RALGAPA2: variants seen among roughly 807,000 people sequenced by gnomAD.
The protein encoded by RALGAPA2 is ral GTPase-activating protein subunit alpha-2.
Under a neutral mutation model 230.4 loss-of-function variants are expected in RALGAPA2, and 139 were observed. That is an observed-to-expected ratio of 0.60 (90% confidence interval 0.53 to 0.69). The LOEUF is 0.69. RALGAPA2 is among the 30% of genes least tolerant of loss of function. The pLI is 0.00. For missense variants in RALGAPA2, 2,163 were observed against 2,276.0 expected (o/e 0.95, Z 1.01); for synonymous variants, 847 against 837.8 (o/e 1.01, Z -0.19).
chr20:20,491,586 T>C (rs1300941868), intron 36 of RALGAPA2, among the ~76,000 whole-genome samples: 1 of 152,308 alleles, frequency 6.6e-6, no homozygotes, highest in Non-Finnish European at 1.5e-5. Flanking sequence ...GTGTGGAAGT[T>C]CTATGAATCA....
At chr20:20,571,347 C>A (rs1325488339) in intron 23 of RALGAPA2, 111 bp downstream of exon 23, 1 of 1,213,892 alleles carries the variant, frequency 8.2e-7, no homozygotes, top group Admixed American at 2.8e-5. Context: ...GTTGAAACTA[C>A]TGAGAAATTC....
At chr20:20,497,853 G>A (rs1389024904) in intron 35 of RALGAPA2, among the ~76,000 whole-genome samples, 3 of 152,200 alleles carry the variant, frequency 2.0e-5, no homozygotes, top group African/African-American at 7.2e-5. Context: ...TCTTCTCATA[G>A]CTGCTTTCAG....
intron 36 of RALGAPA2, among the ~76,000 whole-genome samples, chr20:20,478,488 G>A (rs1377470218): frequency 6.6e-6 from 1 of 151,458 alleles, no homozygotes; most frequent in Non-Finnish European, 1.5e-5. Flanking sequence ...AGTTCTTTAA[G>A]GAACCATAAA....
At chr20:20,521,180 T>C in intron 30 of RALGAPA2, 80 bp from the exon 31 acceptor site, 3 of 1,264,678 alleles carry the variant, frequency 2.4e-6, no homozygotes, top group Middle Eastern at 2.9e-4. Flanking sequence ...ACTGCAGCAC[T>C]TGGCAGCTAG....
chr20:20,622,481 C>T (rs1231151887), intron 10 of RALGAPA2, among the ~76,000 whole-genome samples: 2 of 152,128 alleles, frequency 1.3e-5, no homozygotes, highest in South Asian at 4.1e-4. Context: ...GATGTATTTC[C>T]TCCAAAGGAG....
rs2064270273 is a variant in RALGAPA2, at chr20:20,562,018, G to A, written c.3156+9440C>T. Among the ~76,000 whole-genome samples, 4 of 152,072 alleles carry A rather than the reference G, an allele frequency of 2.6e-5. No individual in the cohort carries two copies. The South Asian group carries it at 6.2e-4, about 24-fold the overall frequency. ...TGCCCCTCAAGAATCACTGTTCTAG[G>A]GTAATGAAAGTTGACTAGCTCACCA... On this transcript the variant is annotated intron_variant, in intron 23 of 39. Coordinates refer to ENST00000202677, the MANE Select transcript of RALGAPA2 (RefSeq NM_020343.4).
chr20:20,645,106 CTTTTTTTTTTTTTT>C lies in RALGAPA2; in HGVS notation c.329-1571_329-1558del, dbSNP rs71198064. Among the ~76,000 whole-genome samples, 5 of 59,482 alleles carry C rather than the reference CTTTTTTTTTTTTTT, an allele frequency of 8.4e-5. No individual in the cohort carries two copies. In the South Asian group the frequency reaches 3.6e-3, roughly 43 times the overall value. The allele number at this position is 59,482 out of a possible 152,430, so 39.0% of individuals were successfully genotyped here. A position where few individuals can be genotyped will look rare whatever the true frequency, so the allele number is the denominator to read the frequency against. On this transcript the variant is annotated intron_variant, in intron 4 of 39. Coordinates refer to ENST00000202677, the MANE Select transcript of RALGAPA2 (RefSeq NM_020343.4). The stretch of plus-strand genomic sequence containing the variant: ...TGGCTTGTTTTTGGTGGTGGTGGTG[CTTTTTTTTTTTTTT>C]TTTTTTTTTTTTGAGACAGAGTCTT...
In RALGAPA2 at chr20:20,605,248, A is replaced by C; in HGVS notation, c.1965T>G (p.Val655=). 6.2e-7 allele frequency: 1 copy of C among 1,613,860 alleles called. No individual in the cohort carries two copies. Among genetic ancestry groups the C allele is most frequent in the Non-Finnish European group, 8.5e-7 (1 of 1,179,838 alleles). The change falls in exon 15 of 40, where the codon GTT becomes GTG. Residue 655 remains valine, a synonymous_variant. Coordinates refer to ENST00000202677, the MANE Select transcript of RALGAPA2 (RefSeq NM_020343.4). ...DSLTAVLART[V]YGVEMTNLPL... The stretch of plus-strand genomic sequence containing the variant: ...GTAGGTTTGTCATCTCAACTCCATA[A>C]ACGGTTCTTGCAAGCACTGCTGTCA...
intron 9 of RALGAPA2, among the ~76,000 whole-genome samples, chr20:20,633,095 T>A (rs2066738710): frequency 6.6e-6 from 1 of 150,890 alleles, no homozygotes; most frequent in Non-Finnish European, 1.5e-5. Flanking sequence ...CTTTCCTTCC[T>A]CCCTCCCTTC....
intron 37 of RALGAPA2, among the ~76,000 whole-genome samples, chr20:20,452,767 G>A (rs1392971505): frequency 6.6e-6 from 1 of 152,204 alleles, no homozygotes; most frequent in Non-Finnish European, 1.5e-5. Flanking sequence ...TGGTATTTGT[G>A]GCTTATCAAA....
intron 20 of RALGAPA2, among the ~76,000 whole-genome samples, chr20:20,575,819 G>A (rs1405255624): frequency 6.6e-6 from 1 of 152,132 alleles, no homozygotes; most frequent in Non-Finnish European, 1.5e-5. Context: ...GCAACTTCAA[G>A]AAGTTGGTTG....
chr20:20,549,668 T>A (rs17741517), intron 23 of RALGAPA2, among the ~76,000 whole-genome samples: 2,519 of 152,216 alleles, frequency 0.017, 91 homozygotes, highest in East Asian at 0.14. Context: ...AAATTAGGAA[T>A]AACCACGTGG....
intron 36 of RALGAPA2, among the ~76,000 whole-genome samples, chr20:20,478,596 T>A (rs1440538642): frequency 6.6e-6 from 1 of 151,724 alleles, no homozygotes; most frequent in Non-Finnish European, 1.5e-5. Context: ...AAATACCGCA[T>A]GTTCTCACTT....
intron 27 of RALGAPA2, among the ~76,000 whole-genome samples, chr20:20,529,386 T>C (rs2063311497): frequency 6.6e-6 from 1 of 152,198 alleles, no homozygotes; most frequent in Non-Finnish European, 1.5e-5. Context: ...GTCTTATATT[T>C]TCCCCCATAA....
intron 3 of RALGAPA2, among the ~76,000 whole-genome samples, chr20:20,668,679 G>T (rs1365882066): frequency 1.3e-5 from 2 of 152,210 alleles, no homozygotes; most frequent in Non-Finnish European, 2.9e-5. Flanking sequence ...CCAAAGGAAA[G>T]AATGAGCACT....
At chr20:20,689,299 T>A (rs1396570053) in intron 1 of RALGAPA2, among the ~76,000 whole-genome samples, 2 of 152,236 alleles carry the variant, frequency 1.3e-5, no homozygotes, top group African/African-American at 4.8e-5. Context: ...GCTACAAATG[T>A]AAAACTTAAG....
At chr20:20,679,704 A>C (rs1223824132) in intron 2 of RALGAPA2, among the ~76,000 whole-genome samples, 1 of 151,920 alleles carries the variant, frequency 6.6e-6, no homozygotes, top group East Asian at 1.9e-4. Flanking sequence ...GCTCTCTTCC[A>C]CCTGAAATCC....
At chr20:20,491,279 T>C (rs1199480651) in intron 36 of RALGAPA2, among the ~76,000 whole-genome samples, 4 of 152,118 alleles carry the variant, frequency 2.6e-5, no homozygotes, top group Non-Finnish European at 5.9e-5. Context: ...GCTGAGTAAG[T>C]AGAGTTCAGA....
chr20:20,575,290 A>T lies in RALGAPA2; in HGVS notation c.2708-2222T>A, dbSNP rs117333562. On this transcript the variant is annotated intron_variant, in intron 20 of 39. Coordinates refer to ENST00000202677, the MANE Select transcript of RALGAPA2 (RefSeq NM_020343.4). ...TTTAAACTCATTTCTCCAACAACAT[A>T]TTTGACAGCTCTACATGCTCAGGAC... is the stretch of plus-strand genomic sequence containing the variant. Among the ~76,000 whole-genome samples the T allele has an allele frequency of 7.7e-4, 117 of 152,182 alleles. 2 individuals carry two copies. The East Asian group carries it at 0.018, about 24-fold the overall frequency.
Sources: gnomAD v4.1 joint callset for allele counts (sites outside exome capture counted in the v4.1 genomes callset) on GRCh38, gnomAD v4.1.1 for gene constraint, MANE v1.5 for transcripts, NCBI Gene and HGNC (gene_info 2026-07-23, HGNC 2026-07-21) for gene names.